UBE2A: variants seen among roughly 807,000 people sequenced by gnomAD.
UBE2A encodes ubiquitin-conjugating enzyme E2 A.
For synonymous variants in UBE2A, 39 were observed against 41.1 expected, an observed-to-expected ratio of 0.95 and a Z score of 0.20; for missense variants, 27 against 125.8, an observed-to-expected ratio of 0.21 and a Z score of 3.76.
At chrX:119,578,099 C>T (rs1431119535) in intron 3 of UBE2A, among the ~76,000 whole-genome samples, 4 of 111,365 alleles carry the variant, frequency 3.6e-5, no homozygotes, top group African/African-American at 1.3e-4. Context: ...TGTTGTAAAC[C>T]GTTCGTTATG....
At position 119,574,564 on chromosome X, in the gene UBE2A, G is replaced by T; in HGVS notation, c.-148G>T. On this transcript the variant is annotated 5_prime_UTR_variant, in exon 1 of 6. Coordinates refer to ENST00000371558, the MANE Select transcript of UBE2A (RefSeq NM_003336.4). ...CTGGGGTGGTGCTTAGCCGGCGCCA[G>T]ACCGACCCTCGACTTCGGAGAGGCA... 1 of 808,902 alleles carries T rather than the reference G, an allele frequency of 1.2e-6. No individual in the cohort carries two copies. The highest frequency in any genetic ancestry group is 1.8e-6 in the Non-Finnish European group (1 of 555,956). The allele number at this position is 808,902 out of a possible 1,213,427, so 66.7% of individuals were successfully genotyped here. A position where few individuals can be genotyped will look rare whatever the true frequency, so the allele number is the denominator to read the frequency against.
At chrX:119,575,042 C>T in intron 2 of UBE2A, 61 bp downstream of exon 2, 1 of 1,176,863 alleles carries the variant, frequency 8.5e-7, no homozygotes, top group Non-Finnish European at 1.2e-6. Flanking sequence ...TCGGTCTGCG[C>T]TCCGGGGCGG....
chrX:119,579,200 G>A (rs187847055), intron 3 of UBE2A, among the ~76,000 whole-genome samples: 215 of 111,900 alleles, frequency 1.9e-3, no homozygotes, highest in African/African-American at 6.7e-3. Flanking sequence ...AAAGACTTGC[G>A]ATTAACTTCT....
At chrX:119,582,772 A>G in intron 5 of UBE2A, 96 bp downstream of exon 5, 3 of 752,814 alleles carry the variant, frequency 4.0e-6, no homozygotes, top group South Asian at 2.3e-5. Context: ...AGATCTTTTT[A>G]TTTTTGGTCA....
chrX:119,575,213 G>T (rs1303774193), intron 2 of UBE2A, 162 bp from the exon 3 acceptor site: 1 of 820,366 alleles, frequency 1.2e-6, no homozygotes, highest in African/African-American at 2.0e-5. Context: ...GGTTAGGCGC[G>T]GCGGCTTGCC....
chrX:119,582,429 T>G, intron 4 of UBE2A, 159 bp from the exon 5 acceptor site: 1 of 396,398 alleles, frequency 2.5e-6, no homozygotes, highest in South Asian at 3.5e-5. Context: ...ATTTCACTAG[T>G]GGTGGTTATG....
At chrX:119,582,492 CA>C in intron 4 of UBE2A, 95 bp from the exon 5 acceptor site, 1 of 657,279 alleles carries the variant, frequency 1.5e-6, no homozygotes, top group Non-Finnish European at 2.4e-6. Context: ...CTTTAAACTT[CA>C]AAAGCAAAGT....
intron 5 of UBE2A, 21 bp from the exon 6 acceptor site, chrX:119,583,105 AT>A: frequency 8.3e-7 from 1 of 1,210,946 alleles, no homozygotes; most frequent in South Asian, 1.8e-5. Context: ...AGGAACTGAC[AT>A]TTTAAAAATT....
intron 2 of UBE2A, 196 bp downstream of exon 2, chrX:119,575,177 AG>A (rs1264986731): frequency 5.9e-5 from 42 of 714,675 alleles, no homozygotes; most frequent in South Asian, 4.9e-4. Context: ...TTGGGGTTCT[AG>A]GGGGGCGGGG....
At chrX:119,581,711 T>G (rs1474385862) in intron 4 of UBE2A, 115 bp downstream of exon 4, 3 of 580,978 alleles carry the variant, frequency 5.2e-6, no homozygotes, top group Non-Finnish European at 5.8e-6. Context: ...GCTTGCTGCT[T>G]CTTGAAAGCT....
In UBE2A at chrX:119,582,605, A is replaced by G; in HGVS notation, c.259A>G (p.Ile87Val). The change falls in exon 5 of 6, where the codon ATA becomes GTA. Residue 87 changes from isoleucine to valine, a missense_variant. Coordinates refer to ENST00000371558, the MANE Select transcript of UBE2A (RefSeq NM_003336.4). ...FHPNVYADGS[I>V]CLDILQNRWS... ...GTTCTTAGTCTATGCAGATGGTAGT[A>G]TATGTCTGGACATACTTCAGAACCG... 1 of 1,207,304 alleles carries G rather than the reference A, an allele frequency of 8.3e-7. No individual in the cohort carries two copies. The highest frequency in any genetic ancestry group is 1.1e-6 in the Non-Finnish European group (1 of 891,633).
At chrX:119,582,050 G>A (rs2053454259) in intron 4 of UBE2A, among the ~76,000 whole-genome samples, 1 of 112,283 alleles carries the variant, frequency 8.9e-6, no homozygotes, top group Admixed American at 9.5e-5. Flanking sequence ...CCAGGCATAC[G>A]GTATTGTCAG....
rs746027531 is a variant in UBE2A at position 119,575,224 on chromosome X, C to A, written c.126-151C>A. The A allele has an allele frequency of 2.0e-5, 18 of 880,982 alleles. No individual in the cohort carries two copies. The African/African-American group carries it at 3.1e-4, about 15-fold the overall frequency. 72.6% of individuals were successfully genotyped at this position (880,982 alleles called of 1,213,427 possible). A position where few individuals can be genotyped will look rare whatever the true frequency, so the allele number is the denominator to read the frequency against. ...TGGCGGTTAGGCGCGGCGGCTTGCC[C>A]TGTGTCTCTGAGCCCGGGACATCCA... On this transcript the variant is annotated intron_variant, in intron 2 of 5. Coordinates refer to ENST00000371558, the MANE Select transcript of UBE2A (RefSeq NM_003336.4).
chrX:119,578,443 T>A (rs1479794305), intron 3 of UBE2A, among the ~76,000 whole-genome samples: 1 of 111,892 alleles, frequency 8.9e-6, no homozygotes, highest in African/African-American at 3.3e-5. Flanking sequence ...TGGAAATGTT[T>A]CTGAGTCATA....
intron 3 of UBE2A, chrX:119,581,301 G>A (rs2053448860): frequency 1.3e-5 from 4 of 317,384 alleles, no homozygotes; most frequent in Non-Finnish European, 2.2e-5. Flanking sequence ...CTCCAAGTTT[G>A]GGGGAAAATA....
intron 5 of UBE2A, 32 bp from the exon 6 acceptor site, chrX:119,583,095 A>G: frequency 8.3e-7 from 1 of 1,209,810 alleles, no homozygotes; most frequent in Non-Finnish European, 1.1e-6. Flanking sequence ...TTTTGCATTA[A>G]GGAACTGACA....
At chrX:119,575,611 A>AG (rs1289875433) in intron 3 of UBE2A, 2 of 455,309 alleles carry the variant, frequency 4.4e-6, no homozygotes, top group Non-Finnish European at 7.4e-6. Flanking sequence ...TCTTAAAAAA[A>AG]AAATCTGTGT....
chrX:119,581,951 C>T (rs769867364), intron 4 of UBE2A, among the ~76,000 whole-genome samples: 1 of 112,221 alleles, frequency 8.9e-6, no homozygotes, highest in East Asian at 2.8e-4. Context: ...TTTCATTGGA[C>T]GCATATCAGA....
In UBE2A at chrX:119,583,484, A is replaced by G; in HGVS notation, c.*229A>G. On this transcript the variant is annotated 3_prime_UTR_variant, in exon 6 of 6. Coordinates refer to ENST00000371558, the MANE Select transcript of UBE2A (RefSeq NM_003336.4). Reference sequence around the variant, plus strand: ...ACCTGGGTTACTTGCAAAAATTACTAATGCTTCAGTTTTTCTGTTGTATTT... The same window carrying G: ...ACCTGGGTTACTTGCAAAAATTACTGATGCTTCAGTTTTTCTGTTGTATTT... 1 of 386,121 alleles carries G rather than the reference A, an allele frequency of 2.6e-6. No individual in the cohort carries two copies. Among genetic ancestry groups the G allele is most frequent in the Non-Finnish European group, 4.4e-6 (1 of 225,908 alleles). The allele number at this position is 386,121 out of a possible 1,213,427, so 31.8% of individuals were successfully genotyped here. A position where few individuals can be genotyped will look rare whatever the true frequency, so the allele number is the denominator to read the frequency against.
Sources: allele counts gnomAD v4.1 joint callset (sites outside exome capture counted in the v4.1 genomes callset), GRCh38; gene constraint gnomAD v4.1.1; transcripts MANE v1.5; gene names NCBI Gene and HGNC (gene_info 2026-07-23, HGNC 2026-07-21).